PRDM10: variants seen among roughly 807,000 people sequenced by gnomAD.
PRDM10 encodes PR domain zinc finger protein 10.
In PRDM10, 65 loss-of-function variants were observed where a neutral mutation model predicts 133.1. That is an observed-to-expected ratio of 0.49 (90% CI 0.40 to 0.60). The LOEUF (loss-of-function observed/expected upper bound fraction) is 0.60, where lower values mean the gene tolerates loss of function less well. Among genes scored for constraint, PRDM10 ranks in the 20% least tolerant of loss-of-function variants. The pLI, the probability that PRDM10 is intolerant of heterozygous loss-of-function variation, is 0.00. For missense variants in PRDM10, 1,137 were observed against 1,507.1 expected (o/e 0.75, Z 4.07); for synonymous variants, 582 against 580.4 (o/e 1.00, Z -0.04).
chr11:129,990,071 C>T (rs1484125889), intron 1 of PRDM10, among the ~76,000 whole-genome samples: 3 of 151,942 alleles, frequency 2.0e-5, no homozygotes, highest in Non-Finnish European at 4.4e-5. Flanking sequence ...AGGCATGGGG[C>T]GTGGTGGCTC....
At chr11:129,927,315 A>G (rs1015861662) in intron 11 of PRDM10, among the ~76,000 whole-genome samples, 6 of 151,970 alleles carry the variant, frequency 3.9e-5, no homozygotes, top group Non-Finnish European at 5.9e-5. Flanking sequence ...CTAATTTTAC[A>G]TAAAAGCTTT....
At chr11:129,944,621 A>T in intron 6 of PRDM10, 150 bp downstream of exon 6, 3 of 1,122,410 alleles carry the variant, frequency 2.7e-6, no homozygotes, top group Non-Finnish European at 2.5e-6. Context: ...CCATCTTATT[A>T]GTGAGTTTCC....
intron 9 of PRDM10, among the ~76,000 whole-genome samples, 157 bp downstream of exon 9, chr11:129,934,944 G>A (rs893349931): frequency 2.0e-5 from 3 of 152,196 alleles, no homozygotes; most frequent in Non-Finnish European, 4.4e-5. Flanking sequence ...AGGAGCAGAG[G>A]GAAAAGGAGA....
At chr11:129,948,465 G>C (rs1951491506) in intron 4 of PRDM10, among the ~76,000 whole-genome samples, 1 of 152,106 alleles carries the variant, frequency 6.6e-6, no homozygotes, top group Admixed American at 6.6e-5. Flanking sequence ...AGCCCTCCCT[G>C]AGTCTCCTCT....
At chr11:130,001,733 G>A (rs1299843514) in intron 1 of PRDM10, among the ~76,000 whole-genome samples, 2 of 152,292 alleles carry the variant, frequency 1.3e-5, no homozygotes, top group South Asian at 2.1e-4. Flanking sequence ...CTAGCTGCAG[G>A]GTTAAACCTG....
chr11:129,988,754 C>T (rs981667483), intron 1 of PRDM10, among the ~76,000 whole-genome samples: 4 of 151,900 alleles, frequency 2.6e-5, no homozygotes, highest in Non-Finnish European at 5.9e-5. Context: ...CTCAGCCTCC[C>T]GAGTAGCTGG....
At chr11:129,955,899 T>C (rs1369755746) in intron 3 of PRDM10, among the ~76,000 whole-genome samples, 1 of 152,160 alleles carries the variant, frequency 6.6e-6, no homozygotes, top group East Asian at 1.9e-4. Context: ...AGACATGACA[T>C]GAACAAGGGT....
chr11:129,957,923 G>C lies in PRDM10; in HGVS notation c.70-13C>G, dbSNP rs74580261. ...GAACAAAGTGCACCTGGCATAAACAGGAGACAAAGAACAAAATCAGTATCA... is the reference window on the plus strand; with the variant it reads ...GAACAAAGTGCACCTGGCATAAACACGAGACAAAGAACAAAATCAGTATCA... On this transcript the variant is annotated splice_polypyrimidine_tract_variant and intron_variant, in intron 2 of 20. Transcript: ENST00000360871. 0.048 allele frequency: 76,197 copies of C among 1,601,326 alleles called. 4,745 individuals are homozygous for C. Among genetic ancestry groups the C allele is most frequent in the East Asian group, 0.36 (16,180 of 44,638 alleles).
At position 129,977,317 on chromosome 11, in the gene PRDM10, C is replaced by T. The variant is rs140824294; in HGVS notation, c.-118-16235G>A. Reference sequence around the variant, plus strand: ...ACACACACATTGAGATGCAGTCTCACTCTGTCGCCAGGCTGGAATGCAGTG... The same window carrying T: ...ACACACACATTGAGATGCAGTCTCATTCTGTCGCCAGGCTGGAATGCAGTG... On this transcript the variant is annotated intron_variant, in intron 1 of 20. Coordinates refer to ENST00000360871, the MANE Select transcript of PRDM10 (RefSeq NM_199437.2). 6.0e-3 allele frequency among the ~76,000 whole-genome samples: 914 copies of T among 151,924 alleles called. 4 individuals carry two copies. The highest frequency in any genetic ancestry group is 9.5e-3 in the Non-Finnish European group (646 of 67,934).
At chr11:130,000,953 A>G (rs931502737) in intron 1 of PRDM10, among the ~76,000 whole-genome samples, 2 of 152,132 alleles carry the variant, frequency 1.3e-5, no homozygotes, top group African/African-American at 4.8e-5. Context: ...CAAAAAGTAG[A>G]AAAATTAGCC....
intron 1 of PRDM10, among the ~76,000 whole-genome samples, chr11:129,995,709 G>GC (rs1488037532): frequency 1.4e-4 from 21 of 152,164 alleles, no homozygotes. Flanking sequence ...ACTTTGGGAG[G>GC]CCGAGGCAGG....
intron 11 of PRDM10, among the ~76,000 whole-genome samples, chr11:129,925,437 G>A (rs1396410296): frequency 1.3e-5 from 2 of 151,258 alleles, no homozygotes; most frequent in African/African-American, 4.8e-5. Flanking sequence ...TTAAAGAGAT[G>A]AAATTTTTTT....
intron 1 of PRDM10, among the ~76,000 whole-genome samples, chr11:130,001,473 A>C (rs1471913446): frequency 6.6e-6 from 1 of 152,174 alleles, no homozygotes; most frequent in Non-Finnish European, 1.5e-5. Context: ...AGGTTTCAAC[A>C]GGCAAAGCAG....
chr11:129,967,836 A>C (rs1951938624), intron 1 of PRDM10, among the ~76,000 whole-genome samples: 1 of 152,130 alleles, frequency 6.6e-6, no homozygotes, highest in Non-Finnish European at 1.5e-5. Context: ...ACAATGGAGT[A>C]TCCCAGTGTG....
chr11:129,911,684 A>T (rs1476783254), intron 18 of PRDM10, among the ~76,000 whole-genome samples: 1 of 152,152 alleles, frequency 6.6e-6, no homozygotes, highest in South Asian at 2.1e-4. Context: ...TCCTAAACCT[A>T]ATCTCTCCCT....
chr11:129,976,458 G>A (rs562648629), intron 1 of PRDM10, among the ~76,000 whole-genome samples: 7 of 152,170 alleles, frequency 4.6e-5, no homozygotes, highest in Non-Finnish European at 1.0e-4. Flanking sequence ...GGTCTAAGCA[G>A]CTAACATTCA....
intron 20 of PRDM10, 83 bp downstream of exon 20, chr11:129,905,555 C>A: frequency 7.8e-6 from 8 of 1,028,590 alleles, no homozygotes; most frequent in Non-Finnish European, 1.2e-5. Flanking sequence ...GTAAGCCAAT[C>A]ATTACGAGAT....
intron 4 of PRDM10, among the ~76,000 whole-genome samples, chr11:129,953,845 A>G (rs1951641572): frequency 7.0e-6 from 1 of 143,502 alleles, no homozygotes; most frequent in Admixed American, 7.0e-5. Flanking sequence ...AAAAAAAAAA[A>G]GGAAATAATC....
rs1410190934 is a variant in PRDM10 at position 129,902,175 on chromosome 11, A to G, written c.*138T>C. The stretch of plus-strand genomic sequence containing the variant: ...ACCTTGGCAAAATAAACCCCAGTGT[A>G]TGGATGAGAGACAAAACTGTGGTTT... On this transcript the variant is annotated 3_prime_UTR_variant, in exon 21 of 21. Coordinates refer to ENST00000360871, the MANE Select transcript of PRDM10 (RefSeq NM_199437.2). 4 of 1,231,816 alleles carry G rather than the reference A, an allele frequency of 3.2e-6. No homozygotes were observed. The highest frequency in any genetic ancestry group is 1.5e-5 in the African/African-American group (1 of 65,652). 76.3% of individuals were successfully genotyped at this position (1,231,816 alleles called of 1,614,324 possible).
Sources: allele counts gnomAD v4.1 joint callset (sites outside exome capture counted in the v4.1 genomes callset), GRCh38; gene constraint gnomAD v4.1.1; transcripts MANE v1.5; gene names NCBI Gene and HGNC (gene_info 2026-07-23, HGNC 2026-07-21).